The following TLCD4 variants were observed in gnomAD, a reference collection of about 807,000 sequenced individuals.
The protein encoded by TLCD4 is TLC domain-containing protein 4.
Under a neutral mutation model 24.2 loss-of-function variants are expected in TLCD4, and 7 were observed. The observed-to-expected ratio is 0.29, with a 90% CI of 0.16 to 0.54. The LOEUF is 0.54. Ranked by LOEUF, TLCD4 falls within the 20% of genes least tolerant of loss-of-function variation. The pLI is 0.95. For synonymous variants in TLCD4, 103 were observed against 106.4 expected (o/e 0.97, Z 0.20); for missense variants, 259 against 313.9 (o/e 0.82, Z 1.32).
chr1:95,161,029 G>A (rs2100964694), intron 5 of TLCD4, among the ~76,000 whole-genome samples: 1 of 152,342 alleles, frequency 6.6e-6, no homozygotes, highest in South Asian at 2.1e-4. Flanking sequence ...AAATAAGTTA[G>A]AGAGGATTCC....
intron 1 of TLCD4, among the ~76,000 whole-genome samples, chr1:95,135,656 C>T (rs192075236): frequency 1.1e-4 from 17 of 152,102 alleles, no homozygotes; most frequent in Middle Eastern, 6.8e-3. Flanking sequence ...CCTTGGCCTC[C>T]GAAAGTGCTG....
At chr1:95,181,854 C>T (rs963526900) in intron 6 of TLCD4, among the ~76,000 whole-genome samples, 8 of 152,016 alleles carry the variant, frequency 5.3e-5, no homozygotes, top group African/African-American at 7.3e-5. Flanking sequence ...CTCCTGACCT[C>T]GTGATCCACC....
chr1:95,122,580 G>T (rs1168317601), intron 1 of TLCD4, among the ~76,000 whole-genome samples: 1 of 152,060 alleles, frequency 6.6e-6, no homozygotes, highest in Non-Finnish European at 1.5e-5. Context: ...TTTCAACTCT[G>T]GTTTCTCTGT....
In TLCD4 at chr1:95,140,223, A is replaced by C. The variant is rs140953786; in HGVS notation, c.-11-3668A>C. Among the ~76,000 whole-genome samples the C allele has an allele frequency of 5.9e-5, 9 of 152,342 alleles. No homozygotes were observed. The East Asian group carries it at 1.7e-3, about 29-fold the overall frequency. ...ATCATTGTCAACTATTATGTACTGCACATAATTGTATGTGCTAGACTTTTA... is the reference window on the plus strand; with the variant it reads ...ATCATTGTCAACTATTATGTACTGCCCATAATTGTATGTGCTAGACTTTTA... On this transcript the variant is annotated intron_variant, in intron 1 of 6. Coordinates refer to ENST00000370203, the MANE Select transcript of TLCD4 (RefSeq NM_152487.3).
chr1:95,182,800 C>T (rs111262209), intron 6 of TLCD4, among the ~76,000 whole-genome samples: 1,981 of 151,968 alleles, frequency 0.013, 48 homozygotes, highest in African/African-American at 0.045. Context: ...TCACAGAGAA[C>T]GTGGCATACA....
intron 6 of TLCD4, among the ~76,000 whole-genome samples, chr1:95,183,727 A>T (rs1302081573): frequency 2.6e-5 from 4 of 152,046 alleles, no homozygotes; most frequent in African/African-American, 9.7e-5. Context: ...AGTCCCGGCT[A>T]CTCAGGAGGC....
rs563565641 is a variant in TLCD4 at position 95,183,186 on chromosome 1, C to T, written c.474-8364C>T. Among the ~76,000 whole-genome samples, 27 of 151,890 alleles carry T rather than the reference C, an allele frequency of 1.8e-4. No individual in the cohort carries two copies. In the East Asian group the frequency reaches 3.9e-3, roughly 22 times the overall value. ...ATGGACAGTGTAATTTTATTAGTTC[C>T]GAAAGTAAATAAGAGTCCATATTAA... On this transcript the variant is annotated intron_variant, in intron 6 of 6. Coordinates refer to ENST00000370203, the MANE Select transcript of TLCD4 (RefSeq NM_152487.3).
intron 1 of TLCD4, among the ~76,000 whole-genome samples, chr1:95,128,165 G>T (rs1174669152): frequency 4.6e-5 from 7 of 152,148 alleles, no homozygotes. Flanking sequence ...GTACTCTGAG[G>T]CATAAGGCCT....
intron 5 of TLCD4, among the ~76,000 whole-genome samples, chr1:95,170,332 T>A (rs1402909193): frequency 6.8e-6 from 1 of 146,838 alleles, no homozygotes; most frequent in Non-Finnish European, 1.5e-5. Flanking sequence ...AAATCATTCT[T>A]TTTTTTTTTT....
intron 6 of TLCD4, among the ~76,000 whole-genome samples, chr1:95,180,638 C>T (rs1678604831): frequency 6.6e-6 from 1 of 152,220 alleles, no homozygotes; most frequent in Admixed American, 6.5e-5. Context: ...GTTATGCCCA[C>T]ACGCAGGTTT....
intron 2 of TLCD4, among the ~76,000 whole-genome samples, chr1:95,144,436 G>A (rs1677293912): frequency 6.6e-6 from 1 of 152,104 alleles, no homozygotes; most frequent in East Asian, 1.9e-4. Flanking sequence ...TACAGCATTG[G>A]CCAACTTAGC....
At chr1:95,141,150 G>A (rs1677187162) in intron 1 of TLCD4, among the ~76,000 whole-genome samples, 1 of 152,094 alleles carries the variant, frequency 6.6e-6, no homozygotes, top group East Asian at 1.9e-4. Flanking sequence ...ATATCCCAAA[G>A]TCTTACCTGA....
intron 4 of TLCD4, among the ~76,000 whole-genome samples, chr1:95,151,096 T>C (rs1677480305): frequency 6.6e-6 from 1 of 152,102 alleles, no homozygotes; most frequent in Non-Finnish European, 1.5e-5. Flanking sequence ...TTAAAGATGC[T>C]CACAACCTGG....
chr1:95,126,363 G>A (rs1047870517), intron 1 of TLCD4, among the ~76,000 whole-genome samples: 1 of 150,554 alleles, frequency 6.6e-6, no homozygotes, highest in Admixed American at 6.6e-5. Flanking sequence ...AGGAGGCAGA[G>A]GTTGCAGTGA....
intron 6 of TLCD4, among the ~76,000 whole-genome samples, chr1:95,184,555 G>A (rs1378646932): frequency 6.6e-6 from 1 of 152,168 alleles, no homozygotes; most frequent in East Asian, 1.9e-4. Flanking sequence ...AGGAATAATT[G>A]CTAAATGACC....
chr1:95,176,971 T>C (rs962515002), intron 6 of TLCD4, among the ~76,000 whole-genome samples: 2 of 152,316 alleles, frequency 1.3e-5, no homozygotes, highest in South Asian at 4.1e-4. Flanking sequence ...ATTTCTACAG[T>C]AGCTTCTAAC....
chr1:95,110,465 G>T, the TLCD4 span, among the ~76,000 whole-genome samples: 586 of 152,008 alleles, frequency 3.9e-3, 4 homozygotes, highest in Non-Finnish European at 3.8e-3. Context: ...ATAAGGGATT[G>T]GTTAAATACA....
At chr1:95,098,263 C>G in the TLCD4 span, among the ~76,000 whole-genome samples, 1 of 152,194 alleles carries the variant, frequency 6.6e-6, no homozygotes, top group Non-Finnish European at 1.5e-5. Context: ...CTAGTCCTCG[C>G]TGCCTCATAA....
intron 5 of TLCD4, among the ~76,000 whole-genome samples, chr1:95,165,758 G>A (rs7555236): frequency 0.071 from 10,781 of 152,220 alleles, 442 homozygotes; most frequent in Non-Finnish European, 0.089. Flanking sequence ...GAGCCACTGC[G>A]CCTGGCCTAG....
Sources: gnomAD v4.1 joint callset for allele counts (sites outside exome capture counted in the v4.1 genomes callset) on GRCh38, gnomAD v4.1.1 for gene constraint, MANE v1.5 for transcripts, NCBI Gene and HGNC (gene_info 2026-07-23, HGNC 2026-07-21) for gene names.